Variants in MYOF observed in about 807,000 individuals in gnomAD.
The protein encoded by MYOF is fer-1-like 3, myoferlin.
A neutral mutation model predicts 284.2 loss-of-function variants in MYOF; 244 were observed. The ratio of observed to expected loss-of-function variants is 0.86; its 90% CI spans 0.77 to 0.95. The LOEUF is 0.95. Ranked by LOEUF, MYOF falls within the 40% of genes least tolerant of loss-of-function variation. MYOF has a pLI of 0.00. For missense variants in MYOF, 2,496 were observed against 2,560.6 expected (o/e 0.97, Z 0.54); for synonymous variants, 904 against 919.7 (o/e 0.98, Z 0.31).
Position 93,351,492 on chromosome 10 carries a change from A to C in MYOF, c.3743T>G (p.Leu1248Arg). 1 of 1,614,224 alleles carries C rather than the reference A, an allele frequency of 6.2e-7. No individual in the cohort carries two copies. Among genetic ancestry groups the C allele is most frequent in the East Asian group, 2.2e-5 (1 of 44,886 alleles). The change falls in exon 34 of 54, where the codon CTT becomes CGT. Residue 1248 changes from leucine (L) to arginine (R), a missense_variant. Around this residue, in one of 3 missense-constraint regions of MYOF, gnomAD observed 2,436 missense variants for 2,480.7 expected, o/e 0.98. Coordinates refer to ENST00000359263, the MANE Select transcript of MYOF (RefSeq NM_013451.4). ...LNSEMDITPK[L>R]LWHPVMNGDK... Reference sequence around the variant, plus strand: ...TCCATTCATTACTGGGTGCCAGAGAAGTTTGGGTGTGATGTCCATTTCTGA... The same window carrying C: ...TCCATTCATTACTGGGTGCCAGAGACGTTTGGGTGTGATGTCCATTTCTGA...
intron 23 of MYOF, among the ~76,000 whole-genome samples, chr10:93,373,761 G>A (rs550559673): frequency 6.0e-4 from 92 of 152,270 alleles, no homozygotes; most frequent in Non-Finnish European, 8.2e-4. Flanking sequence ...AGGAGGAGTC[G>A]TCTCCTTACT....
chr10:93,353,843 T>C lies in MYOF; in HGVS notation c.3449A>G (p.Asn1150Ser). 6.2e-7 allele frequency: 1 copy of C among 1,611,094 alleles called. No individual in the cohort carries two copies. The highest frequency in any genetic ancestry group is 8.5e-7 in the Non-Finnish European group (1 of 1,178,140). Residue 1150 changes from asparagine to serine, a missense_variant, in exon 32 of 54, where the codon AAC (asparagine) becomes AGC (serine). Transcript: ENST00000359263. ...HLRCYVYQAR[N>S]LLALDKDSFS... ...GCTATCCTTATCTAAAGCCAAGAGG[T>C]TTCTGGCTTGATAGACATAGCAGCG...
At chr10:93,436,063 C>T (rs973636883) in intron 3 of MYOF, among the ~76,000 whole-genome samples, 1 of 151,402 alleles carries the variant, frequency 6.6e-6, no homozygotes, top group African/African-American at 2.4e-5. Context: ...CTTATAATGT[C>T]GTGAATCAAA....
chr10:93,409,573 C>T lies in MYOF; in HGVS notation c.600G>A (p.Gln200=). Residue 200 remains glutamine, a splice_region_variant and synonymous_variant, in exon 6 of 54, where the codon CAG becomes CAA. Transcript: ENST00000359263. ...AAGCAGAACGCCAGGCCGTTGCTAC[C>T]TGGAAGTCCTGTGGCTTATTTGACA... ...RMLSNKPQDF[Q]IRVRVIEGRQ... 6.2e-7 allele frequency: 1 copy of T among 1,611,898 alleles called. No homozygotes were observed. Among genetic ancestry groups the T allele is most frequent in the Non-Finnish European group, 8.5e-7 (1 of 1,179,474 alleles).
At chr10:93,400,506 C>A (rs1847230403) in intron 12 of MYOF, among the ~76,000 whole-genome samples, 1 of 151,820 alleles carries the variant, frequency 6.6e-6, no homozygotes, top group African/African-American at 2.4e-5. Flanking sequence ...TATGGGGAGG[C>A]CCTACAATAC....
chr10:93,323,717 G>A (rs778897666), intron 46 of MYOF: 39 of 226,946 alleles, frequency 1.7e-4, no homozygotes, highest in Admixed American at 3.6e-4. Flanking sequence ...ACACACACGC[G>A]CGTGCGCGCA....
intron 26 of MYOF, 96 bp from the exon 27 acceptor site, chr10:93,364,171 T>G: frequency 1.1e-6 from 1 of 938,568 alleles, no homozygotes; most frequent in Non-Finnish European, 1.7e-6. Context: ...ACCCTGGGAG[T>G]GGCACCACTT....
At position 93,363,950 on chromosome 10, in the gene MYOF, A is replaced by G. The variant is rs201428739; in HGVS notation, c.2868+11T>C. The G allele has an allele frequency of 2.1e-4, 343 of 1,612,432 alleles. No homozygotes were observed. The highest frequency in any genetic ancestry group is 2.7e-4 in the Non-Finnish European group (313 of 1,178,800). ...ACAGGTGAGAGTTTCTCTCCGGAGC[A>G]GGCCACTCACCGCATCCGTGTAGGT... On this transcript the variant is annotated intron_variant, in intron 27 of 53. Coordinates refer to ENST00000359263, the MANE Select transcript of MYOF (RefSeq NM_013451.4).
chr10:93,319,791 A>G, intron 49 of MYOF, 81 bp downstream of exon 49: 1 of 1,577,646 alleles, frequency 6.3e-7, no homozygotes, highest in Non-Finnish European at 8.7e-7. Flanking sequence ...CGAGATCCTG[A>G]GCAGCTCCAG....
At chr10:93,387,224 T>TG (rs1589483011) in intron 19 of MYOF, among the ~76,000 whole-genome samples, 1 of 152,134 alleles carries the variant, frequency 6.6e-6, no homozygotes, top group African/African-American at 2.4e-5. Context: ...CTGGGGCAGC[T>TG]GGGGGGCTGG....
chr10:93,315,872 G>C (rs192130610), intron 50 of MYOF, among the ~76,000 whole-genome samples: 180 of 152,060 alleles, frequency 1.2e-3, no homozygotes, highest in African/African-American at 4.2e-3. Context: ...TGTAATCCTG[G>C]CACTTTGAGA....
At chr10:93,454,066 C>T (rs767033459) in intron 2 of MYOF, among the ~76,000 whole-genome samples, 79 of 152,136 alleles carry the variant, frequency 5.2e-4, no homozygotes, top group Non-Finnish European at 1.0e-3. Context: ...CCTGTAATCC[C>T]AGCTACCTGG....
intron 15 of MYOF, 53 bp downstream of exon 15, chr10:93,397,194 A>T: frequency 7.1e-7 from 1 of 1,404,652 alleles, no homozygotes; most frequent in Non-Finnish European, 9.9e-7. Context: ...ATGTTTCACA[A>T]TATCCAATGT....
Position 93,333,307 on chromosome 10 carries a change from G to A in MYOF, c.4725C>T (p.Asp1575=), listed in dbSNP as rs761525759. The A allele has an allele frequency of 6.2e-7, 1 of 1,613,428 alleles. No homozygotes were observed. Among genetic ancestry groups the A allele is most frequent in the Admixed American group, 1.7e-5 (1 of 60,008 alleles). Residue 1575 remains aspartate, a synonymous_variant, in exon 43 of 54, where the codon GAC becomes GAT. Coordinates refer to ENST00000359263, the MANE Select transcript of MYOF (RefSeq NM_013451.4). ...LQPQDNNGLC[D]PYIKITLGKK... ...TGCCCAGTGTTATTTTTATGTAAGGGTCACACTGTGGGACAAAATAGACGG... is the reference window on the plus strand; with the variant it reads ...TGCCCAGTGTTATTTTTATGTAAGGATCACACTGTGGGACAAAATAGACGG...
At chr10:93,401,028 AT>A (rs199873918) in intron 12 of MYOF, among the ~76,000 whole-genome samples, 13 of 148,664 alleles carry the variant, frequency 8.7e-5, no homozygotes, top group South Asian at 4.3e-4. Flanking sequence ...AATTTCTGCT[AT>A]TTTTTTTTTA....
At chr10:93,390,655 T>A (rs983354826) in intron 17 of MYOF, among the ~76,000 whole-genome samples, 1 of 152,224 alleles carries the variant, frequency 6.6e-6, no homozygotes, top group Non-Finnish European at 1.5e-5. Flanking sequence ...CAAAGACGAT[T>A]AATTGATCAC....
At chr10:93,340,490 C>A (rs1843848155) in intron 38 of MYOF, among the ~76,000 whole-genome samples, 1 of 152,154 alleles carries the variant, frequency 6.6e-6, no homozygotes, top group Non-Finnish European at 1.5e-5. Context: ...CAGTCGGGAG[C>A]ACACAGCTCA....
chr10:93,306,771 A>ACATGATGC lies in MYOF; in HGVS notation c.*184_*191dup, dbSNP rs1290412370. On this transcript the variant is annotated 3_prime_UTR_variant, in exon 54 of 54. Transcript: ENST00000359263. ...TAAAACTTTTAATACTTAAGAGATA[A>ACATGATGC]CATGATGCAAACGTTGCTTGTTGGC... 2 of 614,008 alleles carry ACATGATGC rather than the reference A, an allele frequency of 3.3e-6. No homozygotes were observed. Among genetic ancestry groups the ACATGATGC allele is most frequent in the African/African-American group, 1.9e-5 (1 of 52,638 alleles). The allele number at this position is 614,008 out of a possible 1,614,324, so 38.0% of individuals were successfully genotyped here.
chr10:93,417,204 C>T (rs1231139001), intron 5 of MYOF, among the ~76,000 whole-genome samples: 6 of 152,140 alleles, frequency 3.9e-5, no homozygotes, highest in African/African-American at 1.4e-4. Context: ...TACAAAGCTT[C>T]TCACTGCATC....
Sources: gnomAD v4.1 joint callset for allele counts (sites outside exome capture counted in the v4.1 genomes callset) on GRCh38, gnomAD v4.1.1 for gene constraint, gnomAD v4.1.1 regional missense constraint, MANE v1.5 for transcripts, NCBI Gene and HGNC (gene_info 2026-07-23, HGNC 2026-07-21) for gene names.